YAF2: variants seen among roughly 807,000 people sequenced by gnomAD.
The protein encoded by YAF2 is YY1 associated factor 2.
YAF2 carries 7 observed loss-of-function variants against 20.1 expected under a neutral mutation model. The ratio of observed to expected loss-of-function variants is 0.35; its 90% CI spans 0.20 to 0.65. The LOEUF is 0.65. YAF2 is among the 30% of genes least tolerant of loss of function. The probability of loss-of-function intolerance (pLI) is 0.69; values close to 1 mark genes in which losing one functional copy is unlikely to be tolerated. For missense variants in YAF2, 151 were observed against 219.2 expected (o/e 0.69, Z 1.96); for synonymous variants, 74 against 76.0 (o/e 0.97, Z 0.14).
chr12:42,170,147 C>T (rs1318063374), intron 2 of YAF2, among the ~76,000 whole-genome samples: 1 of 152,314 alleles, frequency 6.6e-6, no homozygotes, highest in Admixed American at 6.5e-5. Context: ...GCTGGGGTTA[C>T]AGGCATGAGC....
chr12:42,170,487 C>T (rs2066018957), intron 2 of YAF2, among the ~76,000 whole-genome samples: 1 of 152,142 alleles, frequency 6.6e-6, no homozygotes. Context: ...AGCTCATCCA[C>T]TCTAAGAGTT....
chr12:42,207,143 A>C (rs2067067294), intron 2 of YAF2, among the ~76,000 whole-genome samples: 1 of 152,208 alleles, frequency 6.6e-6, no homozygotes, highest in African/African-American at 2.4e-5. Context: ...ACACCAAAGA[A>C]ACTATGAGAT....
intron 2 of YAF2, among the ~76,000 whole-genome samples, chr12:42,220,914 A>G (rs914157566): frequency 1.3e-5 from 2 of 152,318 alleles, no homozygotes; most frequent in Non-Finnish European, 2.9e-5. Context: ...AATAAAAGAG[A>G]GAAATAATAC....
At chr12:42,223,902 C>A (rs768888039) in intron 2 of YAF2, among the ~76,000 whole-genome samples, 1 of 151,946 alleles carries the variant, frequency 6.6e-6, no homozygotes, top group Non-Finnish European at 1.5e-5. Context: ...GGAAGGAGAG[C>A]ATTAGGACAA....
chr12:42,195,159 TAG>T (rs1463923346), intron 2 of YAF2, among the ~76,000 whole-genome samples: 2 of 152,076 alleles, frequency 1.3e-5, no homozygotes, highest in African/African-American at 2.4e-5. Context: ...TAAAGAAATC[TAG>T]AGAGAGAGAA....
intron 2 of YAF2, among the ~76,000 whole-genome samples, chr12:42,227,911 G>GC (rs1224974708): frequency 7.7e-6 from 1 of 129,182 alleles, no homozygotes; most frequent in Non-Finnish European, 1.6e-5. Flanking sequence ...CTGCCCGGCC[G>GC]CCCCTACTGG....
intron 2 of YAF2, among the ~76,000 whole-genome samples, chr12:42,191,232 C>T (rs967175676): frequency 6.6e-6 from 1 of 152,138 alleles, no homozygotes; most frequent in African/African-American, 2.4e-5. Flanking sequence ...ACTCTAAACA[C>T]TTTTGTGCTT....
chr12:42,211,640 G>A (rs1031567008), intron 2 of YAF2, among the ~76,000 whole-genome samples: 1 of 151,190 alleles, frequency 6.6e-6, no homozygotes, highest in Non-Finnish European at 1.5e-5. Flanking sequence ...AGCTATTAGG[G>A]AGGCTGAGGC....
At chr12:42,226,853 C>T (rs1210367408) in intron 2 of YAF2, among the ~76,000 whole-genome samples, 2 of 150,426 alleles carry the variant, frequency 1.3e-5, no homozygotes, top group Non-Finnish European at 3.0e-5. Context: ...GAGAGGAGGT[C>T]GCGGCGCCGG....
chr12:42,162,512 CT>C (rs1285811918), intron 2 of YAF2, among the ~76,000 whole-genome samples: 1 of 152,038 alleles, frequency 6.6e-6, no homozygotes, highest in Non-Finnish European at 1.5e-5. Flanking sequence ...AAAATACAGT[CT>C]CTAAGTTCTT....
At chr12:42,237,130 G>A (rs1345070589) in intron 2 of YAF2, among the ~76,000 whole-genome samples, 2 of 152,146 alleles carry the variant, frequency 1.3e-5, no homozygotes, top group East Asian at 3.8e-4. Flanking sequence ...GACCCTTCCA[G>A]AAGTACATGT....
At chr12:42,203,960 A>C (rs894404805) in intron 2 of YAF2, among the ~76,000 whole-genome samples, 6 of 152,164 alleles carry the variant, frequency 3.9e-5, no homozygotes, top group Admixed American at 3.9e-4. Flanking sequence ...GATGCTGAGG[A>C]GGGAAATTGC....
chr12:42,180,027 T>C (rs1006877318), intron 2 of YAF2, among the ~76,000 whole-genome samples: 4 of 152,168 alleles, frequency 2.6e-5, no homozygotes, highest in East Asian at 1.9e-4. Flanking sequence ...TAGTACAAAG[T>C]ATTTTTCCTA....
intron 2 of YAF2, chr12:42,210,358 T>A: frequency 6.6e-7 from 1 of 1,522,150 alleles, no homozygotes; most frequent in Non-Finnish European, 8.8e-7. Flanking sequence ...TACTTACCAG[T>A]AACTTGAGTT....
intron 2 of YAF2, among the ~76,000 whole-genome samples, chr12:42,203,215 T>A (rs1399460726): frequency 6.6e-6 from 1 of 152,198 alleles, no homozygotes; most frequent in Non-Finnish European, 1.5e-5. Context: ...TCTAATTTTA[T>A]GTCCTTCAAT....
At chr12:42,202,683 G>C (rs2066932157) in intron 2 of YAF2, among the ~76,000 whole-genome samples, 1 of 152,130 alleles carries the variant, frequency 6.6e-6, no homozygotes, top group African/African-American at 2.4e-5. Context: ...TTGTCTCCCA[G>C]GTTGGAGTGC....
At chr12:42,227,876 C>T (rs1279733770) in intron 2 of YAF2, among the ~76,000 whole-genome samples, 2 of 141,468 alleles carry the variant, frequency 1.4e-5, no homozygotes, top group South Asian at 2.3e-4. Context: ...CGCCAGCCGC[C>T]CCGTCCGGGA....
At chr12:42,181,510 A>G (rs1371293743) in intron 2 of YAF2, among the ~76,000 whole-genome samples, 1 of 152,232 alleles carries the variant, frequency 6.6e-6, no homozygotes, top group Non-Finnish European at 1.5e-5. Context: ...AGCTTACTGC[A>G]GTATTCTCAA....
intron 2 of YAF2, among the ~76,000 whole-genome samples, chr12:42,227,567 C>T (rs541887884): frequency 2.0e-5 from 3 of 149,330 alleles, no homozygotes; most frequent in Admixed American, 1.3e-4. Context: ...TCTGCCCGGC[C>T]GCCCTGTCTG....
Sources: allele counts gnomAD v4.1 joint callset (sites outside exome capture counted in the v4.1 genomes callset), GRCh38; gene constraint gnomAD v4.1.1; transcripts MANE v1.5; gene names NCBI Gene and HGNC (gene_info 2026-07-23, HGNC 2026-07-21).